The following DNAJC1 variants were observed in gnomAD, a reference collection of about 807,000 sequenced individuals.
DNAJC1 encodes the protein dnaJ homolog subfamily C member 1.
In DNAJC1, 58 loss-of-function variants were observed where a neutral mutation model predicts 76.6. The ratio of observed to expected loss-of-function variants is 0.76; its 90% confidence interval spans 0.61 to 0.94. The LOEUF is 0.94. Ranked by LOEUF, DNAJC1 falls within the 40% of genes least tolerant of loss-of-function variation. The pLI is 0.00. For synonymous variants in DNAJC1, 258 were observed against 267.9 expected, an observed-to-expected ratio of 0.96 and a Z score of 0.36; for missense variants, 689 against 677.3, an observed-to-expected ratio of 1.02 and a Z score of -0.19.
chr10:21,778,770 C>T (rs1421613273), intron 9 of DNAJC1, among the ~76,000 whole-genome samples: 3 of 152,184 alleles, frequency 2.0e-5, no homozygotes, highest in African/African-American at 4.8e-5. Flanking sequence ...GTGCAGCCCA[C>T]CAAGCGTGAG....
chr10:21,787,119 G>A (rs913479090), intron 9 of DNAJC1, among the ~76,000 whole-genome samples: 1 of 152,104 alleles, frequency 6.6e-6, no homozygotes, highest in Non-Finnish European at 1.5e-5. Flanking sequence ...CCTGAGGTCA[G>A]GAGTTTGAGA....
intron 8 of DNAJC1, among the ~76,000 whole-genome samples, chr10:21,811,696 A>T (rs148452368): frequency 5.3e-5 from 8 of 152,304 alleles, no homozygotes; most frequent in Non-Finnish European, 8.8e-5. Context: ...CCATTCTCCT[A>T]TTAATGGATA....
At chr10:21,897,907 G>C (rs1256230084) in intron 7 of DNAJC1, among the ~76,000 whole-genome samples, 4 of 152,190 alleles carry the variant, frequency 2.6e-5, no homozygotes, top group African/African-American at 9.7e-5. Context: ...AAAATGCATA[G>C]ATTGTAAAGG....
chr10:21,895,006 G>C (rs1410666543), intron 7 of DNAJC1, among the ~76,000 whole-genome samples: 1 of 152,094 alleles, frequency 6.6e-6, no homozygotes. Context: ...AATTTCTGTT[G>C]ATCATAAATT....
Position 21,898,551 on chromosome 10 carries a change from C to CTT in DNAJC1, c.820+5969_820+5970dup, listed in dbSNP as rs1284887784. On this transcript the variant is annotated intron_variant, in intron 7 of 11. Coordinates refer to ENST00000376980, the MANE Select transcript of DNAJC1 (RefSeq NM_022365.4). ...TAGGTTATGTATTTACTATACTATACTTTTTTTTTTTTTTTTTCCAGACAG... is the reference window on the plus strand; with the variant it reads ...TAGGTTATGTATTTACTATACTATACTTTTTTTTTTTTTTTTTTTCCAGACAG... Among the ~76,000 whole-genome samples, 9 of 137,334 alleles carry CTT rather than the reference C, an allele frequency of 6.6e-5. No homozygotes were observed. In the South Asian group the frequency reaches 9.3e-4, roughly 14 times the overall value. The allele number at this position is 137,334 out of a possible 152,430, so 90.1% of individuals were successfully genotyped here.
chr10:21,768,021 C>T (rs1180384943), intron 9 of DNAJC1, among the ~76,000 whole-genome samples: 2 of 152,008 alleles, frequency 1.3e-5, no homozygotes, highest in African/African-American at 2.4e-5. Flanking sequence ...CAGAACATTC[C>T]TATTACTCCA....
At chr10:21,962,439 T>C (rs1837810421) in intron 1 of DNAJC1, among the ~76,000 whole-genome samples, 1 of 144,416 alleles carries the variant, frequency 6.9e-6, no homozygotes, top group African/African-American at 2.6e-5. Flanking sequence ...AGGATGCAAT[T>C]AAAACTTGCT....
At chr10:21,800,870 TAG>T (rs144065030) in intron 9 of DNAJC1, among the ~76,000 whole-genome samples, 5,897 of 152,262 alleles carry the variant, frequency 0.039, 385 homozygotes, top group African/African-American at 0.13. Context: ...GCTATGAACA[TAG>T]AGTTTTATCA....
intron 8 of DNAJC1, among the ~76,000 whole-genome samples, chr10:21,839,125 C>T (rs1835524959): frequency 6.6e-6 from 1 of 152,176 alleles, no homozygotes; most frequent in South Asian, 2.1e-4. Flanking sequence ...ATTTCTAGCA[C>T]TAAATGTCCA....
chr10:21,909,116 G>T (rs1326377039), intron 6 of DNAJC1, among the ~76,000 whole-genome samples: 1 of 152,156 alleles, frequency 6.6e-6, no homozygotes, highest in African/African-American at 2.4e-5. Flanking sequence ...TTGAACTCCT[G>T]GCCTCAGGTG....
chr10:21,811,245 T>C (rs1361861668), intron 8 of DNAJC1, among the ~76,000 whole-genome samples: 2 of 152,246 alleles, frequency 1.3e-5, no homozygotes, highest in African/African-American at 2.4e-5. Context: ...ACTCCATCCA[T>C]GACACTGTCA....
At chr10:21,774,550 C>T (rs1051913013) in intron 9 of DNAJC1, among the ~76,000 whole-genome samples, 3 of 152,212 alleles carry the variant, frequency 2.0e-5, no homozygotes, top group South Asian at 2.1e-4. Flanking sequence ...TCTCGGCTCA[C>T]TACAAGCTCC....
intron 1 of DNAJC1, among the ~76,000 whole-genome samples, chr10:21,957,286 AG>A (rs1735279017): frequency 6.6e-6 from 1 of 152,200 alleles, no homozygotes; most frequent in Non-Finnish European, 1.5e-5. Context: ...CTTTAAAGAA[AG>A]CATGGAAGAA....
chr10:21,815,380 G>C (rs1268382115), intron 8 of DNAJC1, among the ~76,000 whole-genome samples: 2 of 152,140 alleles, frequency 1.3e-5, no homozygotes, highest in Admixed American at 1.3e-4. Flanking sequence ...GGTGGAATCT[G>C]TACAATCGCT....
At chr10:21,860,320 T>C (rs1835901027) in intron 8 of DNAJC1, among the ~76,000 whole-genome samples, 2 of 152,128 alleles carry the variant, frequency 1.3e-5, no homozygotes, top group African/African-American at 2.4e-5. Flanking sequence ...AAAGAGGAGA[T>C]AATTTCATAC....
intron 9 of DNAJC1, among the ~76,000 whole-genome samples, chr10:21,789,748 G>A (rs911296511): frequency 3.3e-5 from 5 of 152,036 alleles, no homozygotes; most frequent in African/African-American, 7.2e-5. Context: ...AGTGGCTCAC[G>A]CCTATAATCC....
chr10:21,763,359 T>G (rs1834261937), intron 10 of DNAJC1, among the ~76,000 whole-genome samples: 1 of 152,228 alleles, frequency 6.6e-6, no homozygotes, highest in African/African-American at 2.4e-5. Context: ...AAGATATTAG[T>G]CTTCAGCGAG....
intron 8 of DNAJC1, among the ~76,000 whole-genome samples, chr10:21,822,593 A>G (rs1343327686): frequency 6.6e-6 from 1 of 152,168 alleles, no homozygotes; most frequent in Non-Finnish European, 1.5e-5. Flanking sequence ...AATCAAAGAC[A>G]GGGCTAGAGT....
intron 1 of DNAJC1, among the ~76,000 whole-genome samples, chr10:21,932,947 T>C (rs1233042357): frequency 6.6e-6 from 1 of 152,030 alleles, no homozygotes; most frequent in African/African-American, 2.4e-5. Context: ...GGGGTAGCAA[T>C]TGAGGCAAAC....
Sources: gnomAD v4.1 joint callset for allele counts (sites outside exome capture counted in the v4.1 genomes callset) on GRCh38, gnomAD v4.1.1 for gene constraint, MANE v1.5 for transcripts, NCBI Gene and HGNC (gene_info 2026-07-23, HGNC 2026-07-21) for gene names.